The following BCL2L13 variants were observed in gnomAD, a reference collection of about 807,000 sequenced individuals.
BCL2L13 encodes the protein BCL2 like 13.
A neutral mutation model predicts 25.8 loss-of-function variants in BCL2L13; 13 were observed. The ratio of observed to expected loss-of-function variants is 0.50; its 90% CI spans 0.33 to 0.80. The LOEUF (loss-of-function observed/expected upper bound fraction) is 0.80. Ranked by LOEUF, BCL2L13 falls within the 30% of genes least tolerant of loss-of-function variation. BCL2L13 has a pLI of 0.02. For missense variants in BCL2L13, 504 were observed against 574.9 expected (o/e 0.88, Z 1.26); for synonymous variants, 244 against 230.3 (o/e 1.06, Z -0.54).
At chr22:17,683,152 CT>C in intron 2 of BCL2L13, 61 bp from the exon 3 acceptor site, 2 of 828,268 alleles carry the variant, frequency 2.4e-6, no homozygotes, top group Non-Finnish European at 3.8e-6. Flanking sequence ...AAAAAAAGTG[CT>C]ATTATATTCT....
At chr22:17,631,698 ATATATATATTTTTTTTTTTTTTTTTT>A (rs2058030056) in intron 1 of BCL2L13, among the ~76,000 whole-genome samples, 2 of 28,860 alleles carry the variant, frequency 6.9e-5, no homozygotes, top group Admixed American at 7.4e-4. Context: ...ATATATATAT[ATATATATATTTTTTTTTTTTTTTTTT>A]TTTTTTTTTT....
In BCL2L13 at chr22:17,660,688, G is replaced by C. The variant is rs1167386887; in HGVS notation, c.121+4856G>C. ...GATCCGCTCACCTTGGCCTCCCAAA[G>C]TGTTGGGATTACAGGTGTGAGCCAC... is the stretch of plus-strand genomic sequence containing the variant. On this transcript the variant is annotated intron_variant, in intron 2 of 6. Transcript: ENST00000317582. 3.4e-5 allele frequency among the ~76,000 whole-genome samples: 5 copies of C among 146,136 alleles called. 1 individual carries two copies. The highest frequency in any genetic ancestry group is 3.4e-4 in the Admixed American group (5 of 14,620).
chr22:17,631,694 A>G lies in BCL2L13; in HGVS notation c.-650+2689A>G, dbSNP rs1299283288. 5.2e-5 allele frequency among the ~76,000 whole-genome samples: 2 copies of G among 38,532 alleles called. 1 individual carries two copies. The highest frequency in any genetic ancestry group is 1.5e-4 in the African/African-American group (2 of 13,652). 25.3% of individuals were successfully genotyped at this position (38,532 alleles called of 152,430 possible). On this transcript the variant is annotated intron_variant, in intron 1 of 6. Transcript: ENST00000399782. ...TGTATATATATATATATATATATATATATATATATATATTTTTTTTTTTTT... is the reference window on the plus strand; with the variant it reads ...TGTATATATATATATATATATATATGTATATATATATATTTTTTTTTTTTT...
intron 4 of BCL2L13, among the ~76,000 whole-genome samples, chr22:17,692,788 T>G (rs976309643): frequency 2.6e-5 from 4 of 152,176 alleles, no homozygotes; most frequent in African/African-American, 9.7e-5. Context: ...TAATGTGGTT[T>G]TAAAATGTAA....
intron 6 of BCL2L13, among the ~76,000 whole-genome samples, chr22:17,717,974 C>T (rs1298205782): frequency 6.6e-6 from 1 of 152,126 alleles, no homozygotes; most frequent in East Asian, 1.9e-4. Context: ...GTGGTCCTAG[C>T]TACTCTGAAG....
At chr22:17,711,964 T>C (rs2060774963) in intron 6 of BCL2L13, among the ~76,000 whole-genome samples, 1 of 152,128 alleles carries the variant, frequency 6.6e-6, no homozygotes, top group East Asian at 1.9e-4. Flanking sequence ...TAAGAAATTA[T>C]GTTCCTTGTC....
chr22:17,656,923 A>G (rs143476970), intron 2 of BCL2L13, among the ~76,000 whole-genome samples: 1,544 of 152,100 alleles, frequency 0.01, 33 homozygotes, highest in African/African-American at 0.035. Flanking sequence ...GGTTCAAGCA[A>G]TTCTCCTGCC....
chr22:17,707,355 A>G (rs888175674), intron 6 of BCL2L13, among the ~76,000 whole-genome samples: 1 of 152,182 alleles, frequency 6.6e-6, no homozygotes, highest in Admixed American at 6.5e-5. Flanking sequence ...GCATTTGGTT[A>G]TAAGGGTCCA....
chr22:17,682,031 G>A (rs1356695481), intron 2 of BCL2L13, among the ~76,000 whole-genome samples: 1 of 152,168 alleles, frequency 6.6e-6, no homozygotes, highest in African/African-American at 2.4e-5. Context: ...CTTGATATTA[G>A]CCATTATTGT....
At chr22:17,718,766 A>C (rs1209003687) in intron 6 of BCL2L13, among the ~76,000 whole-genome samples, 5 of 152,224 alleles carry the variant, frequency 3.3e-5, no homozygotes, top group Non-Finnish European at 7.3e-5. Flanking sequence ...CCTAGTTTTT[A>C]GGACACCTTG....
At chr22:17,682,271 C>T (rs187698688) in intron 2 of BCL2L13, among the ~76,000 whole-genome samples, 6 of 152,230 alleles carry the variant, frequency 3.9e-5, no homozygotes, top group Middle Eastern at 3.4e-3. Context: ...ACAAAGAAAT[C>T]GTTATGCCCA....
intron 2 of BCL2L13, among the ~76,000 whole-genome samples, chr22:17,676,856 TTAGGATAAATTGGCATAGGATCTTTC>T (rs1365518910): frequency 1.3e-5 from 2 of 152,242 alleles, no homozygotes; most frequent in African/African-American, 4.8e-5. Context: ...TTTATAAAGA[TTAGGATAAATTGGCATAGGATCTTTC>T]TAGGATAAAT....
At chr22:17,688,471 G>A (rs988305246) in intron 3 of BCL2L13, among the ~76,000 whole-genome samples, 2 of 152,102 alleles carry the variant, frequency 1.3e-5, no homozygotes, top group Admixed American at 6.6e-5. Context: ...GGATAATAGA[G>A]CCAGGAATTG....
intron 6 of BCL2L13, among the ~76,000 whole-genome samples, chr22:17,716,785 G>T (rs1203874491): frequency 6.6e-6 from 1 of 152,124 alleles, no homozygotes; most frequent in Non-Finnish European, 1.5e-5. Flanking sequence ...TTTATGTAAT[G>T]GCCGGATGGT....
In BCL2L13 at chr22:17,729,113, A is replaced by C. The variant is rs1181327212; in HGVS notation, c.*1579A>C. On this transcript the variant is annotated 3_prime_UTR_variant, in exon 7 of 7. Coordinates refer to ENST00000317582, the MANE Select transcript of BCL2L13 (RefSeq NM_015367.4). ...TTTAGATCTTGAAATTTATAATAAA[A>C]ATACTTTACCTACCCTGATCACCAA... 2.6e-5 allele frequency: 4 copies of C among 152,256 alleles called. No homozygotes were observed. Among genetic ancestry groups the C allele is most frequent in the Non-Finnish European group, 5.9e-5 (4 of 68,048 alleles). 9.4% of individuals were successfully genotyped at this position (152,256 alleles called of 1,614,324 possible). A position where few individuals can be genotyped will look rare whatever the true frequency, so the allele number is the denominator to read the frequency against.
rs189176031 is a variant in BCL2L13, at chr22:17,727,630, A to G, written c.*96A>G. The G allele has an allele frequency of 2.6e-6, 4 of 1,513,280 alleles. No homozygotes were observed. The East Asian group carries it at 6.8e-5, about 26-fold the overall frequency. 93.7% of individuals were successfully genotyped at this position (1,513,280 alleles called of 1,614,324 possible). On this transcript the variant is annotated 3_prime_UTR_variant, in exon 7 of 7. Coordinates refer to ENST00000317582, the MANE Select transcript of BCL2L13 (RefSeq NM_015367.4). Reference sequence around the variant, plus strand: ...GCAGCTGTCTGGACATTTGTGGAACACTCTGGGATAATTGGGGACTTCTGC... The same window carrying G: ...GCAGCTGTCTGGACATTTGTGGAACGCTCTGGGATAATTGGGGACTTCTGC...
intron 1 of BCL2L13, among the ~76,000 whole-genome samples, 198 bp downstream of exon 1, chr22:17,639,084 C>T (rs1481661312): frequency 1.3e-5 from 2 of 152,146 alleles, no homozygotes; most frequent in African/African-American, 2.4e-5. Context: ...TCACCGTGAC[C>T]GGACCTGGCC....
intron 2 of BCL2L13, among the ~76,000 whole-genome samples, chr22:17,682,467 T>TG: frequency 6.6e-6 from 1 of 152,284 alleles, no homozygotes; most frequent in South Asian, 2.1e-4. Flanking sequence ...TAATTTGAAG[T>TG]GGGGGGAATG....
intron 1 of BCL2L13, among the ~76,000 whole-genome samples, chr22:17,639,244 ACTT>A (rs138063670): frequency 0.13 from 19,733 of 152,194 alleles, 1,318 homozygotes; most frequent in Middle Eastern, 0.22. Flanking sequence ...GGGAACGGCG[ACTT>A]CTTTTTGGTT....
Sources: gnomAD v4.1 joint callset for allele counts (sites outside exome capture counted in the v4.1 genomes callset) on GRCh38, gnomAD v4.1.1 for gene constraint, MANE v1.5 for transcripts, NCBI Gene and HGNC (gene_info 2026-07-23, HGNC 2026-07-21) for gene names.